The following DKK2 variants were observed in gnomAD, a reference collection of about 807,000 sequenced individuals.
DKK2 encodes the protein dickkopf Wnt signaling pathway inhibitor 2.
A neutral mutation model predicts 28.1 loss-of-function variants in DKK2; 11 were observed. The ratio of observed to expected loss-of-function variants is 0.39; its 90% CI spans 0.25 to 0.65. The LOEUF (loss-of-function observed/expected upper bound fraction) is 0.65, where lower values mean the gene tolerates loss of function less well. Ranked by LOEUF, DKK2 falls within the 30% of genes least tolerant of loss-of-function variation. The pLI, the probability that DKK2 is intolerant of heterozygous loss-of-function variation, is 0.47. For synonymous variants in DKK2, 135 were observed against 126.5 expected, an observed-to-expected ratio of 1.07 and a Z score of -0.45; for missense variants, 326 against 335.5, an observed-to-expected ratio of 0.97 and a Z score of 0.22.
rs111936886 is a variant in DKK2 at position 106,997,463 on chromosome 4, C to T, written c.222+37907G>A. Among the ~76,000 whole-genome samples the T allele has an allele frequency of 8.5e-5, 13 of 152,092 alleles. 1 individual carries two copies. The highest frequency in any genetic ancestry group is 2.4e-4 in the African/African-American group (10 of 41,482). On this transcript the variant is annotated intron_variant, in intron 1 of 3. Coordinates refer to ENST00000285311, the MANE Select transcript of DKK2 (RefSeq NM_014421.3). ...TTGTGCATGCATGTAATGCAATATG[C>T]GAATAGATTCAACTCCTCTCAAAAT...
At chr4:106,934,716 T>A (rs1724553253) in intron 1 of DKK2, among the ~76,000 whole-genome samples, 1 of 152,212 alleles carries the variant, frequency 6.6e-6, no homozygotes, top group African/African-American at 2.4e-5. Context: ...CTACTCTGCT[T>A]TTGAAGAAAC....
intron 1 of DKK2, among the ~76,000 whole-genome samples, chr4:106,999,147 C>G (rs924427746): frequency 6.6e-6 from 1 of 152,166 alleles, no homozygotes; most frequent in African/African-American, 2.4e-5. Context: ...AAGTAACTTT[C>G]CTGATGCTAA....
intron 1 of DKK2, among the ~76,000 whole-genome samples, chr4:106,928,766 TCTTA>T (rs1392195610): frequency 6.6e-6 from 1 of 152,196 alleles, no homozygotes; most frequent in Admixed American, 6.5e-5. Flanking sequence ...AATTCTCATG[TCTTA>T]CTAAGCATAA....
chr4:107,015,980 AT>A (rs1448908216), intron 1 of DKK2, among the ~76,000 whole-genome samples: 1 of 151,856 alleles, frequency 6.6e-6, no homozygotes, highest in Non-Finnish European at 1.5e-5. Flanking sequence ...AATACTTATG[AT>A]AAAAATTGGA....
intron 1 of DKK2, among the ~76,000 whole-genome samples, chr4:107,016,510 G>T (rs1487457677): frequency 6.6e-6 from 1 of 151,896 alleles, no homozygotes; most frequent in East Asian, 1.9e-4. Flanking sequence ...AGAAAGCTCT[G>T]CTCTGTCCTT....
At chr4:106,981,432 T>G (rs1484049469) in intron 1 of DKK2, among the ~76,000 whole-genome samples, 1 of 152,188 alleles carries the variant, frequency 6.6e-6, no homozygotes, top group African/African-American at 2.4e-5. Context: ...TTGAATGGCT[T>G]TGGAAACTAT....
At chr4:107,016,728 A>C (rs1171072313) in intron 1 of DKK2, among the ~76,000 whole-genome samples, 2 of 151,914 alleles carry the variant, frequency 1.3e-5, no homozygotes, top group Non-Finnish European at 2.9e-5. Flanking sequence ...GTATAAGGGA[A>C]AGAGAAAAGT....
chr4:106,969,505 C>G (rs1467454998), intron 1 of DKK2, among the ~76,000 whole-genome samples: 2 of 151,756 alleles, frequency 1.3e-5, no homozygotes, highest in Non-Finnish European at 2.9e-5. Flanking sequence ...GTAACTTGCA[C>G]CAAGTGTAGT....
intron 1 of DKK2, among the ~76,000 whole-genome samples, chr4:106,996,999 G>T (rs1048689069): frequency 1.3e-5 from 2 of 152,032 alleles, no homozygotes; most frequent in Non-Finnish European, 2.9e-5. Flanking sequence ...CAAATGTTAA[G>T]GATTACCTCC....
At chr4:107,024,001 AAC>A (rs2110374730) in intron 1 of DKK2, among the ~76,000 whole-genome samples, 1 of 152,240 alleles carries the variant, frequency 6.6e-6, no homozygotes, top group African/African-American at 2.4e-5. Flanking sequence ...AACTTTGAAA[AAC>A]ACTCACTTTC....
chr4:106,943,156 G>A (rs545966655), intron 1 of DKK2, among the ~76,000 whole-genome samples: 1 of 152,132 alleles, frequency 6.6e-6, no homozygotes, highest in Non-Finnish European at 1.5e-5. Flanking sequence ...TTCCAAGCTG[G>A]CTGACCACCC....
At chr4:106,924,762 C>A in intron 2 of DKK2, 62 bp from the exon 3 acceptor site, 1 of 1,502,994 alleles carries the variant, frequency 6.7e-7, no homozygotes, top group Admixed American at 1.8e-5. Flanking sequence ...TACTTATCCA[C>A]ATACTCTCTT....
intron 1 of DKK2, among the ~76,000 whole-genome samples, chr4:107,023,939 A>G (rs1269568635): frequency 6.6e-6 from 1 of 152,152 alleles, no homozygotes; most frequent in African/African-American, 2.4e-5. Context: ...GAACAAATGG[A>G]CCTATTACAT....
Position 106,981,296 on chromosome 4 carries a change from C to A in DKK2, c.222+54074G>T, listed in dbSNP as rs570407521. Among the ~76,000 whole-genome samples, 153 of 152,152 alleles carry A rather than the reference C, an allele frequency of 1.0e-3. 1 individual carries two copies. The highest frequency in any genetic ancestry group is 3.6e-3 in the African/African-American group (150 of 41,522). ...ACAATATGCAAATAAATATTTCTAG[C>A]CTTTAATTGGGAAAATAAAGATTTT... On this transcript the variant is annotated intron_variant, in intron 1 of 3. Coordinates refer to ENST00000285311, the MANE Select transcript of DKK2 (RefSeq NM_014421.3).
intron 1 of DKK2, among the ~76,000 whole-genome samples, chr4:106,956,201 G>A (rs1169927632): frequency 2.6e-5 from 4 of 152,190 alleles, no homozygotes; most frequent in East Asian, 1.9e-4. Context: ...TACAAGGGAC[G>A]TGAAGGACCC....
At chr4:107,011,322 A>G (rs1220847508) in intron 1 of DKK2, among the ~76,000 whole-genome samples, 1 of 151,526 alleles carries the variant, frequency 6.6e-6, no homozygotes, top group Non-Finnish European at 1.5e-5. Context: ...GGTTCATAGA[A>G]TTCTGCGGAC....
At chr4:107,017,249 G>A (rs1174746539) in intron 1 of DKK2, among the ~76,000 whole-genome samples, 1 of 151,884 alleles carries the variant, frequency 6.6e-6, no homozygotes, top group East Asian at 1.9e-4. Flanking sequence ...TTCAATATAT[G>A]GTTCATTTTA....
At chr4:106,926,701 G>A (rs1724430750) in intron 1 of DKK2, among the ~76,000 whole-genome samples, 1 of 152,078 alleles carries the variant, frequency 6.6e-6, no homozygotes, top group South Asian at 2.1e-4. Context: ...TGTAAAGAAA[G>A]AACCTCTGTT....
intron 1 of DKK2, among the ~76,000 whole-genome samples, chr4:106,987,762 GCTACCTC>G (rs1723141776): frequency 6.6e-6 from 1 of 151,686 alleles, no homozygotes. Context: ...GTTTCCTTTA[GCTACCTC>G]ATATCTTCAC....
Sources: gnomAD v4.1 joint callset for allele counts (sites outside exome capture counted in the v4.1 genomes callset) on GRCh38, gnomAD v4.1.1 for gene constraint, MANE v1.5 for transcripts, NCBI Gene and HGNC (gene_info 2026-07-23, HGNC 2026-07-21) for gene names.